Variants in TNFRSF19 observed in about 807,000 individuals in gnomAD.
TNFRSF19 encodes the protein tumor necrosis factor receptor superfamily member 19.
TNFRSF19 carries 27 observed loss-of-function variants against 46.4 expected under a neutral mutation model. The observed-to-expected ratio is 0.58, with a 90% confidence interval of 0.43 to 0.80. The LOEUF (loss-of-function observed/expected upper bound fraction) is 0.80. Among genes scored for constraint, TNFRSF19 ranks in the 30% least tolerant of loss-of-function variants. TNFRSF19 has a pLI of 0.00. For missense variants in TNFRSF19, 511 were observed against 530.8 expected (o/e 0.96, Z 0.37); for synonymous variants, 204 against 205.0 (o/e 1.00, Z 0.04).
At chr13:23,590,958 T>C (rs919783438) in intron 2 of TNFRSF19, among the ~76,000 whole-genome samples, 1 of 152,240 alleles carries the variant, frequency 6.6e-6, no homozygotes, top group Non-Finnish European at 1.5e-5. Flanking sequence ...TTAAAAGTTA[T>C]TATTTTATAT....
Position 23,668,052 on chromosome 13 carries a change from G to A in TNFRSF19, c.809G>A (p.Gly270Glu). Reference sequence around the variant, plus strand: ...CCCAACCCGGCGACTCTTGGTTGTGGGGTGCATTCTGCAGCCAGTCTTCAG... The same window carrying A: ...CCCAACCCGGCGACTCTTGGTTGTGAGGTGCATTCTGCAGCCAGTCTTCAG... ...CSPNPATLGC[G>E]VHSAASLQAR... Residue 270 changes from glycine to glutamate, a missense_variant, in exon 8 of 10, where the codon GGG becomes GAG. By Grantham distance (98) the Gly-to-Glu change is moderately conservative (BLOSUM62 -2). Coordinates refer to ENST00000248484, the MANE Select transcript of TNFRSF19 (RefSeq NM_148957.4). The A allele has an allele frequency of 6.2e-7, 1 of 1,609,140 alleles. No homozygotes were observed. The highest frequency in any genetic ancestry group is 8.5e-7 in the Non-Finnish European group (1 of 1,178,012).
At chr13:23,649,376 A>T (rs1883508287) in intron 5 of TNFRSF19, among the ~76,000 whole-genome samples, 1 of 152,074 alleles carries the variant, frequency 6.6e-6, no homozygotes, top group African/African-American at 2.4e-5. Flanking sequence ...GTATTGTCTT[A>T]TAATCCTTTT....
intron 3 of TNFRSF19, among the ~76,000 whole-genome samples, chr13:23,608,756 C>T (rs541087671): frequency 6.6e-6 from 1 of 152,284 alleles, no homozygotes; most frequent in East Asian, 1.9e-4. Flanking sequence ...TTGGACAGTA[C>T]AGCTCTAGAA....
intron 3 of TNFRSF19, among the ~76,000 whole-genome samples, chr13:23,614,307 T>C (rs1032330156): frequency 2.0e-5 from 3 of 152,228 alleles, no homozygotes; most frequent in Non-Finnish European, 4.4e-5. Flanking sequence ...AAAATCTAGA[T>C]GGAAGTGATT....
At chr13:23,624,604 T>C (rs1327977691) in intron 4 of TNFRSF19, among the ~76,000 whole-genome samples, 1 of 152,184 alleles carries the variant, frequency 6.6e-6, no homozygotes, top group Non-Finnish European at 1.5e-5. Flanking sequence ...ACTTGTTCTC[T>C]ATATTACTAT....
At chr13:23,576,426 C>A (rs372682514) in intron 1 of TNFRSF19, among the ~76,000 whole-genome samples, 1 of 152,200 alleles carries the variant, frequency 6.6e-6, no homozygotes, top group Non-Finnish European at 1.5e-5. Flanking sequence ...AGCCACTGCA[C>A]CCGGCCCACA....
intron 7 of TNFRSF19, among the ~76,000 whole-genome samples, chr13:23,665,865 A>C (rs1243494500): frequency 6.6e-6 from 1 of 152,190 alleles, no homozygotes; most frequent in Non-Finnish European, 1.5e-5. Flanking sequence ...AGTATTCTGA[A>C]AACTTCTGTT....
chr13:23,618,048 G>A (rs369856210), intron 4 of TNFRSF19, among the ~76,000 whole-genome samples: 2 of 152,164 alleles, frequency 1.3e-5, no homozygotes, highest in African/African-American at 4.8e-5. Context: ...GGTCCCACGT[G>A]GTCATATACA....
chr13:23,592,683 A>G (rs1879401778), intron 2 of TNFRSF19, among the ~76,000 whole-genome samples: 2 of 152,178 alleles, frequency 1.3e-5, no homozygotes, highest in Admixed American at 1.3e-4. Flanking sequence ...CTTTATCATC[A>G]TCACCAAGGA....
At chr13:23,654,893 A>G (rs1883880860) in intron 5 of TNFRSF19, among the ~76,000 whole-genome samples, 1 of 152,214 alleles carries the variant, frequency 6.6e-6, no homozygotes, top group African/African-American at 2.4e-5. Flanking sequence ...AGCTGTGTCT[A>G]CAGAAGCTAG....
chr13:23,574,639 T>G (rs1456212082), intron 1 of TNFRSF19, among the ~76,000 whole-genome samples: 1 of 152,210 alleles, frequency 6.6e-6, no homozygotes. Flanking sequence ...ATTCTCTTTC[T>G]GTGATGGCAA....
intron 7 of TNFRSF19, among the ~76,000 whole-genome samples, chr13:23,665,548 C>T (rs933379530): frequency 6.6e-6 from 1 of 151,196 alleles, no homozygotes; most frequent in Admixed American, 6.6e-5. Context: ...CAAAGAATTC[C>T]CACATGTCCT....
chr13:23,606,003 G>A (rs531205490), intron 3 of TNFRSF19, among the ~76,000 whole-genome samples: 16 of 152,252 alleles, frequency 1.1e-4, no homozygotes, highest in Admixed American at 7.9e-4. Context: ...TATCATTCTG[G>A]TGCAGGGTGC....
intron 5 of TNFRSF19, among the ~76,000 whole-genome samples, chr13:23,628,351 G>A (rs1882139119): frequency 6.6e-6 from 1 of 152,182 alleles, no homozygotes; most frequent in Non-Finnish European, 1.5e-5. Flanking sequence ...CACTGGAAGA[G>A]TGTCTTTATG....
chr13:23,589,728 G>T (rs1005617480), intron 1 of TNFRSF19, among the ~76,000 whole-genome samples: 2 of 152,208 alleles, frequency 1.3e-5, no homozygotes, highest in African/African-American at 4.8e-5. Flanking sequence ...GCTGAAAATA[G>T]TACCTGTCAC....
chr13:23,630,461 G>A (rs1478726697), intron 5 of TNFRSF19, among the ~76,000 whole-genome samples: 2 of 152,002 alleles, frequency 1.3e-5, no homozygotes, highest in Admixed American at 6.6e-5. Context: ...TGTATGCCCC[G>A]CCTCCCCAAT....
intron 5 of TNFRSF19, among the ~76,000 whole-genome samples, chr13:23,630,302 TAAAAAAAAA>T (rs33960618): frequency 1.1e-5 from 1 of 89,716 alleles, no homozygotes; most frequent in Non-Finnish European, 2.1e-5. Flanking sequence ...GACCCTGTCT[TAAAAAAAAA>T]AAAAAAAAAA....
At chr13:23,669,189 G>GA in intron 9 of TNFRSF19, 92 bp downstream of exon 9, 1 of 1,467,724 alleles carries the variant, frequency 6.8e-7, no homozygotes, top group Non-Finnish European at 8.9e-7. Context: ...GGAACCTGAT[G>GA]AGTTTTTTTT....
At chr13:23,641,445 G>T (rs1474665941) in intron 5 of TNFRSF19, among the ~76,000 whole-genome samples, 1 of 152,108 alleles carries the variant, frequency 6.6e-6, no homozygotes, top group Non-Finnish European at 1.5e-5. Flanking sequence ...TGTTTCTCCT[G>T]CAGCCTCCCA....
Sources: allele counts gnomAD v4.1 joint callset (sites outside exome capture counted in the v4.1 genomes callset), GRCh38; gene constraint gnomAD v4.1.1; transcripts MANE v1.5; gene names NCBI Gene and HGNC (gene_info 2026-07-23, HGNC 2026-07-21).